The following ANKH variants were observed in gnomAD, a reference collection of about 807,000 sequenced individuals.
ANKH encodes the protein ANKH inorganic pyrophosphate transport regulator, also known as mineralization regulator ANKH.
Under a neutral mutation model 49.0 loss-of-function variants are expected in ANKH, and 15 were observed. The ratio of observed to expected loss-of-function variants is 0.31; its 90% confidence interval spans 0.20 to 0.47. The LOEUF is 0.47. Ranked by LOEUF, ANKH falls within the 20% of genes least tolerant of loss-of-function variation. The pLI is 1.00. For synonymous variants in ANKH, 273 were observed against 260.0 expected, an observed-to-expected ratio of 1.05 and a Z score of -0.48; for missense variants, 429 against 652.0, an observed-to-expected ratio of 0.66 and a Z score of 3.72.
chr5:14,862,090 G>A (rs1262380713), intron 1 of ANKH, among the ~76,000 whole-genome samples: 1 of 152,140 alleles, frequency 6.6e-6, no homozygotes, highest in Non-Finnish European at 1.5e-5. Context: ...ATGGAAATCA[G>A]CTGGGCATGG....
chr5:14,790,671 G>A (rs174018), intron 1 of ANKH, among the ~76,000 whole-genome samples: 68,908 of 152,058 alleles, frequency 0.45, 15,954 homozygotes, highest in East Asian at 0.73. Flanking sequence ...GCAGTGGTGC[G>A]ATCTCGGCTC....
intron 1 of ANKH, among the ~76,000 whole-genome samples, chr5:14,853,221 A>G (rs1163456711): frequency 6.6e-6 from 1 of 152,212 alleles, no homozygotes; most frequent in Non-Finnish European, 1.5e-5. Flanking sequence ...CTACTATTTT[A>G]AGAGTATAGT....
Position 14,711,126 on chromosome 5 carries a change from G to A in ANKH, c.*71C>T. 2 of 1,262,426 alleles carry A rather than the reference G, an allele frequency of 1.6e-6. No individual in the cohort carries two copies. The highest frequency in any genetic ancestry group is 2.3e-6 in the Non-Finnish European group (2 of 859,890). The allele number at this position is 1,262,426 out of a possible 1,614,324, so 78.2% of individuals were successfully genotyped here. On this transcript the variant is annotated 3_prime_UTR_variant, in exon 12 of 12. Coordinates refer to ENST00000284268, the MANE Select transcript of ANKH (RefSeq NM_054027.6). The stretch of plus-strand genomic sequence containing the variant: ...AAAAAAAGGGAACAAAATACGATGG[G>A]AGAGGGAAGAGATGATGCCGAAGTG...
At chr5:14,816,680 T>C (rs955122867) in intron 1 of ANKH, among the ~76,000 whole-genome samples, 6 of 152,234 alleles carry the variant, frequency 3.9e-5, no homozygotes, top group Non-Finnish European at 8.8e-5. Context: ...GGAATGTTCA[T>C]GTCAAGTACA....
chr5:14,723,997 T>C (rs1008224440), intron 8 of ANKH, among the ~76,000 whole-genome samples: 3 of 152,160 alleles, frequency 2.0e-5, no homozygotes, highest in African/African-American at 4.8e-5. Context: ...GAGCCTAACG[T>C]TGATGATGAC....
chr5:14,798,412 G>A, intron 1 of ANKH: 9 of 1,552,042 alleles, frequency 5.8e-6, no homozygotes, highest in Admixed American at 1.9e-5. Flanking sequence ...GCGGGCAGGC[G>A]AGCCGGGGGA....
chr5:14,811,608 T>G (rs916140457), intron 1 of ANKH, among the ~76,000 whole-genome samples: 1 of 152,258 alleles, frequency 6.6e-6, no homozygotes, highest in Non-Finnish European at 1.5e-5. Context: ...ATTGAAATTC[T>G]GATGTTCAAT....
chr5:14,836,570 A>T (rs1367686895), intron 1 of ANKH, among the ~76,000 whole-genome samples: 1 of 152,256 alleles, frequency 6.6e-6, no homozygotes, highest in African/African-American at 2.4e-5. Flanking sequence ...AGGGATGTGA[A>T]GGACCTCTTC....
At chr5:14,840,011 C>G (rs942504292) in intron 1 of ANKH, among the ~76,000 whole-genome samples, 2 of 152,198 alleles carry the variant, frequency 1.3e-5, no homozygotes, top group Non-Finnish European at 2.9e-5. Flanking sequence ...TCCAAGACCC[C>G]ACTGTGAACA....
Position 14,716,958 on chromosome 5 carries a change from TG to T in ANKH, c.1012-124del. The T allele has an allele frequency of 5.6e-6, 7 of 1,247,732 alleles. No individual in the cohort carries two copies. In the South Asian group the frequency reaches 6.3e-5, roughly 11 times the overall value. 77.3% of individuals were successfully genotyped at this position (1,247,732 alleles called of 1,614,324 possible). A position where few individuals can be genotyped will look rare whatever the true frequency, so the allele number is the denominator to read the frequency against. Reference sequence around the variant, plus strand: ...AGGGACAACCGGCCTGACTGGGTGGTGGGCATGCTGGTCCCAGATCTGCCAC... The same window carrying T: ...AGGGACAACCGGCCTGACTGGGTGGTGGCATGCTGGTCCCAGATCTGCCAC... On this transcript the variant is annotated intron_variant, in intron 8 of 11. Coordinates refer to ENST00000284268, the MANE Select transcript of ANKH (RefSeq NM_054027.6).
chr5:14,851,416 C>T (rs1742119494), intron 1 of ANKH, among the ~76,000 whole-genome samples: 1 of 152,216 alleles, frequency 6.6e-6, no homozygotes, highest in Non-Finnish European at 1.5e-5. Context: ...ATCTCATATC[C>T]CCTGGGGACA....
At chr5:14,754,841 C>T (rs570061886) in intron 4 of ANKH, among the ~76,000 whole-genome samples, 9 of 152,080 alleles carry the variant, frequency 5.9e-5, no homozygotes, top group Non-Finnish European at 1.2e-4. Flanking sequence ...TTTGGGAGGC[C>T]GAGGTGGGCA....
intron 1 of ANKH, among the ~76,000 whole-genome samples, chr5:14,859,775 C>T (rs1735423207): frequency 6.6e-6 from 1 of 152,240 alleles, no homozygotes. Flanking sequence ...TGACAAAACT[C>T]ACAGACCTAT....
intron 8 of ANKH, among the ~76,000 whole-genome samples, chr5:14,722,327 GT>G (rs1276287136): frequency 6.6e-6 from 1 of 152,166 alleles, no homozygotes; most frequent in Non-Finnish European, 1.5e-5. Flanking sequence ...CTGCTGTCGA[GT>G]TTGCTGTCAA....
intron 1 of ANKH, among the ~76,000 whole-genome samples, chr5:14,844,456 G>T (rs1282485813): frequency 6.6e-6 from 1 of 152,214 alleles, no homozygotes; most frequent in Non-Finnish European, 1.5e-5. Context: ...AGAAAGACAT[G>T]AATGCTGTTT....
At chr5:14,753,363 G>A (rs888176936) in intron 4 of ANKH, among the ~76,000 whole-genome samples, 2 of 152,326 alleles carry the variant, frequency 1.3e-5, no homozygotes, top group Middle Eastern at 3.4e-3. Context: ...CAGAAGCACC[G>A]CGCAATTGGA....
At chr5:14,732,166 C>T (rs1356072494) in intron 8 of ANKH, among the ~76,000 whole-genome samples, 1 of 152,166 alleles carries the variant, frequency 6.6e-6, no homozygotes, top group Non-Finnish European at 1.5e-5. Flanking sequence ...GAGGACTCAA[C>T]CTATTCATTC....
chr5:14,840,240 C>G (rs1741780023), intron 1 of ANKH, among the ~76,000 whole-genome samples: 1 of 152,170 alleles, frequency 6.6e-6, no homozygotes, highest in South Asian at 2.1e-4. Flanking sequence ...CAAGGAATTT[C>G]CATAGCACTT....
At position 14,711,137 on chromosome 5, in the gene ANKH, G is replaced by A; in HGVS notation, c.*60C>T. 1 of 1,349,646 alleles carries A rather than the reference G, an allele frequency of 7.4e-7. No individual in the cohort carries two copies. The highest frequency in any genetic ancestry group is 1.1e-6 in the Non-Finnish European group (1 of 939,200). 83.6% of individuals were successfully genotyped at this position (1,349,646 alleles called of 1,614,324 possible). A position where few individuals can be genotyped will look rare whatever the true frequency, so the allele number is the denominator to read the frequency against. Reference sequence around the variant, plus strand: ...ACAAAATACGATGGGAGAGGGAAGAGATGATGCCGAAGTGTCATCCTGACT... The same window carrying A: ...ACAAAATACGATGGGAGAGGGAAGAAATGATGCCGAAGTGTCATCCTGACT... On this transcript the variant is annotated 3_prime_UTR_variant, in exon 12 of 12. Coordinates refer to ENST00000284268, the MANE Select transcript of ANKH (RefSeq NM_054027.6).
Sources: allele counts gnomAD v4.1 joint callset (sites outside exome capture counted in the v4.1 genomes callset), GRCh38; gene constraint gnomAD v4.1.1; transcripts MANE v1.5; gene names NCBI Gene and HGNC (gene_info 2026-07-23, HGNC 2026-07-21).